The following PCDHA6 variants were observed in gnomAD, a reference collection of about 807,000 sequenced individuals.
The protein encoded by PCDHA6 is protocadherin alpha 6, also known as protocadherin alpha-6.
Under a neutral mutation model 60.3 loss-of-function variants are expected in PCDHA6, and 55 were observed. The ratio of observed to expected loss-of-function variants is 0.91; its 90% CI spans 0.73 to 1.14. PCDHA6 has a LOEUF of 1.14. PCDHA6 is among the 50% of genes most tolerant of loss of function. The pLI is 0.00. For missense variants in PCDHA6, 1,327 were observed against 1,256.5 expected (o/e 1.06, Z -0.85); for synonymous variants, 652 against 557.9 (o/e 1.17, Z -2.38).
chr5:140,858,275 G>C (rs2045316714), intron 1 of PCDHA6: 2 of 1,597,458 alleles, frequency 1.3e-6, no homozygotes, highest in African/African-American at 1.3e-5. Context: ...CTCTAGCGCG[G>C]TGGGGAGCTG....
At chr5:140,861,412 C>T (rs371672031) in intron 1 of PCDHA6, 62 of 474,038 alleles carry the variant, frequency 1.3e-4, no homozygotes, top group African/African-American at 1.1e-3. Flanking sequence ...GAGCTGATAC[C>T]GCGCCTGTTT....
intron 1 of PCDHA6, chr5:140,858,606 T>A: frequency 8.0e-7 from 1 of 1,257,634 alleles, no homozygotes; most frequent in Non-Finnish European, 1.1e-6. Flanking sequence ...GTTTTAAAAT[T>A]TTTTTATCCT....
chr5:140,915,615 A>C (rs948306385), intron 1 of PCDHA6, among the ~76,000 whole-genome samples: 5 of 142,332 alleles, frequency 3.5e-5, no homozygotes, highest in Admixed American at 7.1e-5. Flanking sequence ...TCTGTCAAAC[A>C]GTCTCTTTCT....
At position 140,830,043 on chromosome 5, in the gene PCDHA6, T is replaced by C; in HGVS notation, c.1952T>C (p.Val651Ala). The C allele has an allele frequency of 6.2e-7, 1 of 1,613,664 alleles. No homozygotes were observed. The highest frequency in any genetic ancestry group is 1.1e-5 in the South Asian group (1 of 91,072). The change falls in exon 1 of 4, where the codon GTG becomes GCG. Residue 651 changes from valine (V) to alanine (A), a missense_variant. Val to Ala is a moderately conservative substitution (Grantham distance 64). Transcript: ENST00000529310. ...CCGCGCCACCGGCTGCTGGTGCTGG[T>C]GAAAGACCACGGTGAGCCGGCGCTG... ...DSPRHRLLVL[V>A]KDHGEPALTA...
intron 3 of PCDHA6, among the ~76,000 whole-genome samples, chr5:141,003,593 G>A (rs1291518572): frequency 6.6e-6 from 1 of 152,140 alleles, no homozygotes; most frequent in African/African-American, 2.4e-5. Flanking sequence ...GATTTTAGAT[G>A]TGAGCCACCA....
chr5:140,870,195 C>T, intron 1 of PCDHA6: 1 of 1,614,178 alleles, frequency 6.2e-7, no homozygotes, highest in Non-Finnish European at 8.5e-7. Flanking sequence ...ACGCTCAGCC[C>T]AGCACGGTCA....
At chr5:140,916,270 G>T (rs1487301756) in intron 1 of PCDHA6, among the ~76,000 whole-genome samples, 2 of 152,180 alleles carry the variant, frequency 1.3e-5, no homozygotes, top group Non-Finnish European at 2.9e-5. Context: ...GAGCATGCTT[G>T]TTGCTCTACT....
chr5:140,900,717 A>G (rs2068252980), intron 1 of PCDHA6, among the ~76,000 whole-genome samples: 1 of 152,136 alleles, frequency 6.6e-6, no homozygotes, highest in South Asian at 2.1e-4. Flanking sequence ...AAGAAAGGAA[A>G]TCCTACCTAG....
chr5:140,836,804 T>A, intron 1 of PCDHA6: 12 of 1,321,042 alleles, frequency 9.1e-6, no homozygotes, highest in Non-Finnish European at 9.3e-6. Context: ...CTCCTTAAAT[T>A]TTCTTTCATA....
At position 140,849,621 on chromosome 5, in the gene PCDHA6, G is replaced by C. The variant is rs2150442688; in HGVS notation, c.2394+19136G>C. 15 of 1,598,666 alleles carry C rather than the reference G, an allele frequency of 9.4e-6. 1 individual carries two copies. The highest frequency in any genetic ancestry group is 1.7e-5 in the Admixed American group (1 of 59,290). ...AGTTATTGCCCTGATTAGTGTGATCGACCTAGACGCAGATGCCAACGGGCA... is the reference window on the plus strand; with the variant it reads ...AGTTATTGCCCTGATTAGTGTGATCCACCTAGACGCAGATGCCAACGGGCA... On this transcript the variant is annotated intron_variant, in intron 1 of 3. Coordinates refer to ENST00000529310, the MANE Select transcript of PCDHA6 (RefSeq NM_018909.4).
intron 3 of PCDHA6, among the ~76,000 whole-genome samples, chr5:141,008,968 T>C (rs1241825350): frequency 6.6e-6 from 1 of 152,256 alleles, no homozygotes; most frequent in Non-Finnish European, 1.5e-5. Flanking sequence ...AATACATTTA[T>C]AGCCAAAGTT....
rs139607260 is a variant in PCDHA6, at chr5:140,954,243, A to C, written c.2395-24706A>C. ...TATTGTGAATAGTGCTGCAATGAAC[A>C]TACACATGCAGGTATCTTTATAATA... On this transcript the variant is annotated intron_variant, in intron 1 of 3. Transcript: ENST00000529310. Among the ~76,000 whole-genome samples the C allele has an allele frequency of 3.2e-4, 49 of 152,350 alleles. No individual in the cohort carries two copies. In the East Asian group the frequency reaches 9.1e-3, roughly 28 times the overall value.
chr5:140,856,215 C>A lies in PCDHA6; in HGVS notation c.2394+25730C>A, dbSNP rs781995878. ...GCGCAGGACCTGGGGCTGGAGCTGGCGGAGCTGGTGCAGCGCCTGTTCCGG... is the reference window on the plus strand; with the variant it reads ...GCGCAGGACCTGGGGCTGGAGCTGGAGGAGCTGGTGCAGCGCCTGTTCCGG... On this transcript the variant is annotated intron_variant, in intron 1 of 3. Coordinates refer to ENST00000529310, the MANE Select transcript of PCDHA6 (RefSeq NM_018909.4). 3 of 1,597,902 alleles carry A rather than the reference C, an allele frequency of 1.9e-6. No individual in the cohort carries two copies. Among genetic ancestry groups the A allele is most frequent in the African/African-American group, 1.3e-5 (1 of 74,266 alleles).
At chr5:140,977,732 G>A (rs538865467) in intron 1 of PCDHA6, among the ~76,000 whole-genome samples, 2 of 152,048 alleles carry the variant, frequency 1.3e-5, no homozygotes, top group African/African-American at 2.4e-5. Flanking sequence ...TTCTCTCCTG[G>A]GTGTTATGAA....
At chr5:140,917,339 A>T (rs1199530347) in intron 1 of PCDHA6, among the ~76,000 whole-genome samples, 36 of 112,892 alleles carry the variant, frequency 3.2e-4, no homozygotes, top group East Asian at 2.4e-3. Context: ...GAGGGGGGGG[A>T]TGGTGTAGGC....
rs200664126 is a variant in PCDHA6 at position 140,843,124 on chromosome 5, G to A, written c.2394+12639G>A. 390 of 1,595,868 alleles carry A rather than the reference G, an allele frequency of 2.4e-4. 33 individuals are homozygous for A. Among genetic ancestry groups the A allele is most frequent in the Non-Finnish European group, 2.8e-4 (332 of 1,165,564 alleles). ...AGGTGCGCGCAGTGGACGCCGACTCGGGCTACAACGCGTGGCTTTCGTATG... is the reference window on the plus strand; with the variant it reads ...AGGTGCGCGCAGTGGACGCCGACTCAGGCTACAACGCGTGGCTTTCGTATG... On this transcript the variant is annotated intron_variant, in intron 1 of 3. Coordinates refer to ENST00000529310, the MANE Select transcript of PCDHA6 (RefSeq NM_018909.4).
At position 141,010,262 on chromosome 5, in the gene PCDHA6, C is replaced by A; in HGVS notation, c.*325C>A. 4 of 1,551,728 alleles carry A rather than the reference C, an allele frequency of 2.6e-6. No homozygotes were observed. Among genetic ancestry groups the A allele is most frequent in the Non-Finnish European group, 3.5e-6 (4 of 1,146,994 alleles). On this transcript the variant is annotated 3_prime_UTR_variant, in exon 4 of 4. Transcript: ENST00000529310. ...GAGGTTGGACTCTCTGCCCTGTGCT[C>A]CGGGGATCCTGTCTTGATGACACTT...
At chr5:140,965,239 G>C (rs7722865) in intron 1 of PCDHA6, among the ~76,000 whole-genome samples, 9,112 of 152,230 alleles carry the variant, frequency 0.06, 825 homozygotes, top group African/African-American at 0.2. Context: ...CCTGGGAAGA[G>C]TGAATATTCA....
intron 1 of PCDHA6, chr5:140,865,093 G>T (rs535527730): frequency 6.6e-6 from 1 of 152,216 alleles, no homozygotes; most frequent in African/African-American, 2.4e-5. Flanking sequence ...TATTAATAAA[G>T]GCACTTCCAC....
Sources: gnomAD v4.1 joint callset for allele counts (sites outside exome capture counted in the v4.1 genomes callset) on GRCh38, gnomAD v4.1.1 for gene constraint, MANE v1.5 for transcripts, NCBI Gene and HGNC (gene_info 2026-07-23, HGNC 2026-07-21) for gene names.